The following PRKN variants were observed in gnomAD, a reference collection of about 807,000 sequenced individuals.
PRKN encodes E3 ubiquitin-protein ligase parkin.
Under a neutral mutation model 59.5 loss-of-function variants are expected in PRKN, and 56 were observed. The ratio of observed to expected loss-of-function variants is 0.94; its 90% CI spans 0.76 to 1.18. The LOEUF (loss-of-function observed/expected upper bound fraction) is 1.18, where lower values mean the gene tolerates loss of function less well. Ranked by LOEUF, PRKN falls within the 50% of genes most tolerant of loss-of-function variation. PRKN has a pLI of 0.00. For synonymous variants in PRKN, 250 were observed against 222.1 expected (o/e 1.13, Z -1.12); for missense variants, 657 against 596.4 (o/e 1.10, Z -1.06).
At chr6:162,230,819 C>T (rs975134541) in intron 3 of PRKN, among the ~76,000 whole-genome samples, 1 of 152,228 alleles carries the variant, frequency 6.6e-6, no homozygotes, top group Admixed American at 6.5e-5. Context: ...AGAAGGTATC[C>T]ATGGCTCTTT....
chr6:161,977,749 A>T (rs370096114), intron 5 of PRKN, among the ~76,000 whole-genome samples: 1 of 150,624 alleles, frequency 6.6e-6, no homozygotes, highest in Admixed American at 6.6e-5. Context: ...GGGTTTCACC[A>T]TGTTAGCCAG....
At chr6:162,149,932 A>C (rs2128313374) in intron 4 of PRKN, among the ~76,000 whole-genome samples, 1 of 152,212 alleles carries the variant, frequency 6.6e-6, no homozygotes, top group East Asian at 1.9e-4. Flanking sequence ...CCATGAATGA[A>C]TGTTTTGTCT....
chr6:161,943,850 A>C (rs1355745350), intron 6 of PRKN, among the ~76,000 whole-genome samples: 2 of 52,038 alleles, frequency 3.8e-5, no homozygotes. Context: ...CTGAGGGATC[A>C]GCCTGAGGAA....
chr6:161,442,828 G>A lies in PRKN; in HGVS notation c.1084-55951C>T, dbSNP rs777489702. On this transcript the variant is annotated intron_variant, in intron 9 of 11. Transcript: ENST00000366898. This position sits in a 1 kb window ranked among gnomAD's most constrained non-coding sequence, Gnocchi z 4.6. The stretch of plus-strand genomic sequence containing the variant: ...TCTCTTCCCTTTCATTTTGGACATC[G>A]TAACAACTAAACATAACATTTATAT... Among the ~76,000 whole-genome samples the A allele has an allele frequency of 6.6e-6, 1 of 152,094 alleles. No homozygotes were observed. The highest frequency in any genetic ancestry group is 1.5e-5 in the Non-Finnish European group (1 of 68,034).
intron 4 of PRKN, among the ~76,000 whole-genome samples, chr6:162,085,692 T>G (rs1779219332): frequency 6.6e-6 from 1 of 152,114 alleles, no homozygotes; most frequent in Non-Finnish European, 1.5e-5. Context: ...ATTAGTCAAT[T>G]CCAAGAATTT....
chr6:162,098,819 T>C (rs1334565268), intron 4 of PRKN, among the ~76,000 whole-genome samples: 2 of 152,212 alleles, frequency 1.3e-5, no homozygotes, highest in African/African-American at 2.4e-5. Context: ...GAAAAGGACT[T>C]AGCCTTGCAG....
At chr6:162,417,343 G>A (rs1379813527) in intron 2 of PRKN, among the ~76,000 whole-genome samples, 1 of 152,162 alleles carries the variant, frequency 6.6e-6, no homozygotes, top group Non-Finnish European at 1.5e-5. Flanking sequence ...GTGAGCTAGG[G>A]GTCGCTGCCT....
In PRKN at chr6:161,347,513, T is replaced by A. The variant is rs181634778; in HGVS notation, c.*2586A>T. ...AAAAACAGACTTTTTCTGCAAAGAC[T>A]TTATTTCTATTTTTTGATACATTCA... On this transcript the variant is annotated 3_prime_UTR_variant, in exon 12 of 12. Coordinates refer to ENST00000366898, the MANE Select transcript of PRKN (RefSeq NM_004562.3). 1 of 152,170 alleles carries A rather than the reference T, an allele frequency of 6.6e-6. No individual in the cohort carries two copies. The highest frequency in any genetic ancestry group is 1.5e-5 in the Non-Finnish European group (1 of 68,032). The allele number at this position is 152,170 out of a possible 1,614,324, so 9.4% of individuals were successfully genotyped here.
At chr6:161,876,485 A>T (rs1442946287) in intron 6 of PRKN, among the ~76,000 whole-genome samples, 1 of 152,006 alleles carries the variant, frequency 6.6e-6, no homozygotes, top group Non-Finnish European at 1.5e-5. Context: ...CTAATTTTTT[A>T]AATGTTTTGT....
intron 1 of PRKN, among the ~76,000 whole-genome samples, chr6:162,496,734 T>C (rs1170655806): frequency 6.6e-6 from 1 of 152,190 alleles, no homozygotes; most frequent in African/African-American, 2.4e-5. Context: ...GACAAAGCTG[T>C]AGAGAAGATT....
At chr6:162,147,954 A>C (rs1235551295) in intron 4 of PRKN, among the ~76,000 whole-genome samples, 1 of 152,192 alleles carries the variant, frequency 6.6e-6, no homozygotes. Flanking sequence ...CAAGGAGACA[A>C]AAATTACGCA....
chr6:162,174,374 C>T (rs748007715), intron 4 of PRKN, among the ~76,000 whole-genome samples: 10 of 152,146 alleles, frequency 6.6e-5, no homozygotes, highest in African/African-American at 1.9e-4. Flanking sequence ...AAGTCCTTGC[C>T]GTCCCCTCAA....
intron 7 of PRKN, among the ~76,000 whole-genome samples, chr6:161,650,414 T>C (rs1582946990): frequency 6.6e-6 from 1 of 152,296 alleles, no homozygotes; most frequent in South Asian, 2.1e-4. Flanking sequence ...CCTTGTGTTT[T>C]ATACAGTTTG....
chr6:161,631,386 A>G (rs1222725957), intron 7 of PRKN, among the ~76,000 whole-genome samples: 16 of 152,252 alleles, frequency 1.1e-4, no homozygotes, highest in Non-Finnish European at 1.2e-4. Context: ...ACTCACAAGT[A>G]GCTCAGTCAG....
intron 1 of PRKN, among the ~76,000 whole-genome samples, chr6:162,625,286 T>C (rs992269685): frequency 6.6e-6 from 1 of 152,200 alleles, no homozygotes; most frequent in Non-Finnish European, 1.5e-5. Flanking sequence ...CAATCCTCAC[T>C]GATACAATGC....
At chr6:162,353,106 A>G (rs534426782) in intron 2 of PRKN, among the ~76,000 whole-genome samples, 3 of 152,266 alleles carry the variant, frequency 2.0e-5, no homozygotes, top group Admixed American at 1.3e-4. Flanking sequence ...AGTTCTCACT[A>G]AGTGGTGGTA....
At chr6:162,382,680 T>C (rs981504690) in intron 2 of PRKN, among the ~76,000 whole-genome samples, 7 of 152,214 alleles carry the variant, frequency 4.6e-5, no homozygotes, top group Non-Finnish European at 8.8e-5. Context: ...CAATTTCTTA[T>C]AAAAAGACAA....
At chr6:162,391,764 C>G (rs1423921680) in intron 2 of PRKN, among the ~76,000 whole-genome samples, 1 of 152,192 alleles carries the variant, frequency 6.6e-6, no homozygotes, top group African/African-American at 2.4e-5. Context: ...ACACAGCCCT[C>G]CTGGCATTCT....
At chr6:161,469,564 A>AGATT (rs1380241892) in intron 9 of PRKN, among the ~76,000 whole-genome samples, 39 of 151,220 alleles carry the variant, frequency 2.6e-4, no homozygotes, top group African/African-American at 8.1e-4. Context: ...AGAGAGAGAG[A>AGATT]GAGAGAGAAA....
Sources: allele counts gnomAD v4.1 joint callset (sites outside exome capture counted in the v4.1 genomes callset), GRCh38; gene constraint gnomAD v4.1.1; non-coding constraint Gnocchi (gnomAD v3.1); transcripts MANE v1.5; gene names NCBI Gene and HGNC (gene_info 2026-07-23, HGNC 2026-07-21).